SLC9A9: variants seen among roughly 807,000 people sequenced by gnomAD.
SLC9A9 encodes the protein sodium/hydrogen exchanger 9.
Under a neutral mutation model 77.8 loss-of-function variants are expected in SLC9A9, and 62 were observed. The observed-to-expected ratio is 0.80, with a 90% CI of 0.65 to 0.98. The LOEUF is 0.98. SLC9A9 is among the 50% of genes least tolerant of loss of function. The probability of loss-of-function intolerance (pLI) is 0.00; values close to 1 mark genes in which losing one functional copy is unlikely to be tolerated. For synonymous variants in SLC9A9, 320 were observed against 283.5 expected (o/e 1.13, Z -1.29); for missense variants, 775 against 774.9 (o/e 1.00, Z 0.00).
At chr3:143,406,851 C>T (rs1466574430) in intron 12 of SLC9A9, among the ~76,000 whole-genome samples, 1 of 151,846 alleles carries the variant, frequency 6.6e-6, no homozygotes, top group Non-Finnish European at 1.5e-5. Flanking sequence ...TGGCGCATGC[C>T]TGTAACCCCA....
intron 4 of SLC9A9, among the ~76,000 whole-genome samples, chr3:143,794,549 T>A (rs1560082589): frequency 6.6e-6 from 1 of 152,234 alleles, no homozygotes; most frequent in Non-Finnish European, 1.5e-5. Flanking sequence ...AGCAACTCTG[T>A]TGATATTTGG....
intron 6 of SLC9A9, among the ~76,000 whole-genome samples, chr3:143,594,716 TG>T (rs754598440): frequency 8.5e-5 from 13 of 152,138 alleles, no homozygotes; most frequent in Non-Finnish European, 1.6e-4. Flanking sequence ...TAGTTTAACT[TG>T]TATCTGCACA....
At chr3:143,518,612 A>T (rs1162833534) in intron 9 of SLC9A9, among the ~76,000 whole-genome samples, 2 of 152,264 alleles carry the variant, frequency 1.3e-5, no homozygotes, top group Admixed American at 6.5e-5. Flanking sequence ...AAAATGTATT[A>T]TTTGGTTTTT....
At chr3:143,453,191 G>T (rs2035036829) in intron 12 of SLC9A9, among the ~76,000 whole-genome samples, 1 of 151,898 alleles carries the variant, frequency 6.6e-6, no homozygotes, top group Non-Finnish European at 1.5e-5. Context: ...AATTAACATA[G>T]GAGACACTAG....
intron 12 of SLC9A9, among the ~76,000 whole-genome samples, chr3:143,445,362 C>A (rs2034824056): frequency 6.6e-6 from 1 of 152,146 alleles, no homozygotes; most frequent in African/African-American, 2.4e-5. Flanking sequence ...AACTTATTAC[C>A]CCTTTCACAT....
At position 143,433,152 on chromosome 3, in the gene SLC9A9, C is replaced by T. The variant is rs1026603913; in HGVS notation, c.1469+33885G>A. 3.9e-5 allele frequency among the ~76,000 whole-genome samples: 6 copies of T among 152,178 alleles called. No homozygotes were observed. In the South Asian group the frequency reaches 1.2e-3, roughly 32 times the overall value. ...TCTAACTGCACTTGATGACAGAAAT[C>T]AATCTTGATAAGTTTGCTCTTGATT... On this transcript the variant is annotated intron_variant, in intron 12 of 15. Coordinates refer to ENST00000316549, the MANE Select transcript of SLC9A9 (RefSeq NM_173653.4).
intron 14 of SLC9A9, 23 bp downstream of exon 14, chr3:143,363,461 A>T: frequency 6.2e-7 from 1 of 1,604,796 alleles, no homozygotes; most frequent in South Asian, 1.1e-5. Flanking sequence ...AGGATCTGTG[A>T]GATCGTTATT....
At chr3:143,810,621 A>T (rs560176651) in intron 2 of SLC9A9, among the ~76,000 whole-genome samples, 3 of 152,244 alleles carry the variant, frequency 2.0e-5, no homozygotes, top group Non-Finnish European at 4.4e-5. Flanking sequence ...GTGCTTTCCA[A>T]GGAAACATGA....
At chr3:143,339,508 A>C (rs926205426) in intron 14 of SLC9A9, among the ~76,000 whole-genome samples, 1 of 124,022 alleles carries the variant, frequency 8.1e-6, no homozygotes, top group Non-Finnish European at 1.6e-5. Context: ...TTTCCCTGCT[A>C]TCTTCTTTAT....
chr3:143,769,717 A>G (rs954827386), intron 4 of SLC9A9, among the ~76,000 whole-genome samples: 1 of 152,202 alleles, frequency 6.6e-6, no homozygotes, highest in Non-Finnish European at 1.5e-5. Context: ...TTAATATCCC[A>G]GGAAAAGGTC....
intron 12 of SLC9A9, among the ~76,000 whole-genome samples, chr3:143,397,877 G>GA (rs1174265614): frequency 4.6e-5 from 7 of 152,044 alleles, no homozygotes; most frequent in Admixed American, 6.6e-5. Context: ...AATAAGGGGG[G>GA]AATGCATAGA....
At chr3:143,537,106 C>T (rs1311844144) in intron 9 of SLC9A9, among the ~76,000 whole-genome samples, 2 of 152,194 alleles carry the variant, frequency 1.3e-5, no homozygotes, top group East Asian at 3.8e-4. Flanking sequence ...AAAACCACAC[C>T]TGCAAAATGA....
intron 4 of SLC9A9, among the ~76,000 whole-genome samples, chr3:143,741,632 T>C (rs944568882): frequency 1.3e-5 from 2 of 152,106 alleles, no homozygotes; most frequent in African/African-American, 4.8e-5. Context: ...AACTCTACAG[T>C]GGAGAAACCT....
At chr3:143,629,772 A>G (rs1057329089) in intron 6 of SLC9A9, among the ~76,000 whole-genome samples, 3 of 152,090 alleles carry the variant, frequency 2.0e-5, no homozygotes, top group Admixed American at 6.6e-5. Flanking sequence ...AATTCCAGAC[A>G]AAAAGAATAG....
chr3:143,408,879 ACTGCTAATGAG>A (rs2108517990), intron 12 of SLC9A9, among the ~76,000 whole-genome samples: 1 of 152,340 alleles, frequency 6.6e-6, no homozygotes, highest in African/African-American at 2.4e-5. Context: ...TTTTATTTGG[ACTGCTAATGAG>A]CATCACTAGC....
At chr3:143,332,766 G>T (rs535604383) in intron 14 of SLC9A9, among the ~76,000 whole-genome samples, 1 of 152,276 alleles carries the variant, frequency 6.6e-6, no homozygotes, top group East Asian at 1.9e-4. Flanking sequence ...TTGGAGAGGC[G>T]AGTGGATGAC....
chr3:143,806,264 T>C (rs2008710578), intron 2 of SLC9A9, among the ~76,000 whole-genome samples: 1 of 152,152 alleles, frequency 6.6e-6, no homozygotes, highest in Non-Finnish European at 1.5e-5. Flanking sequence ...CTCTCAAAAG[T>C]TACTTCCCTG....
At chr3:143,710,731 T>C (rs1934121339) in intron 4 of SLC9A9, among the ~76,000 whole-genome samples, 1 of 152,214 alleles carries the variant, frequency 6.6e-6, no homozygotes, top group Non-Finnish European at 1.5e-5. Context: ...CTCTGCTGTC[T>C]GAGATTTCAG....
At chr3:143,699,853 G>A (rs193014818) in intron 4 of SLC9A9, among the ~76,000 whole-genome samples, 156 of 152,154 alleles carry the variant, frequency 1.0e-3, no homozygotes, top group African/African-American at 3.3e-3. Context: ...ACCAGTCAGC[G>A]TGGCTAATGC....
Sources: allele counts gnomAD v4.1 joint callset (sites outside exome capture counted in the v4.1 genomes callset), GRCh38; gene constraint gnomAD v4.1.1; transcripts MANE v1.5; gene names NCBI Gene and HGNC (gene_info 2026-07-23, HGNC 2026-07-21).